Variants in VOPP1 observed in about 807,000 individuals in gnomAD.
VOPP1 encodes VOPP1 WW domain binding protein, also known as WW domain binding protein VOPP1.
In VOPP1, 8 loss-of-function variants were observed where a neutral mutation model predicts 23.5. The observed-to-expected ratio is 0.34, with a 90% CI of 0.20 to 0.61. VOPP1 has a LOEUF of 0.61. Among genes scored for constraint, VOPP1 ranks in the 20% least tolerant of loss-of-function variants. The pLI, the probability that VOPP1 is intolerant of heterozygous loss-of-function variation, is 0.78. For missense variants in VOPP1, 174 were observed against 238.1 expected, an observed-to-expected ratio of 0.73 and a Z score of 1.77; for synonymous variants, 83 against 97.3, an observed-to-expected ratio of 0.85 and a Z score of 0.86.
At chr7:55,499,924 C>G (rs990624370) in intron 2 of VOPP1, among the ~76,000 whole-genome samples, 1 of 152,068 alleles carries the variant, frequency 6.6e-6, no homozygotes, top group Non-Finnish European at 1.5e-5. Flanking sequence ...TCACTGGTGT[C>G]GGTTGATCAA....
chr7:55,441,560 C>T (rs1722983), intron 4 of VOPP1, among the ~76,000 whole-genome samples: 51,705 of 152,084 alleles, frequency 0.34, 9,319 homozygotes, highest in East Asian at 0.55. Context: ...ATTTGAGTAA[C>T]GCACTTAGCA....
At chr7:55,448,198 G>A (rs1341173954) in intron 4 of VOPP1, among the ~76,000 whole-genome samples, 3 of 152,086 alleles carry the variant, frequency 2.0e-5, no homozygotes, top group African/African-American at 7.2e-5. Context: ...GTGGATGTAC[G>A]TAAAACATAG....
At chr7:55,543,248 T>G (rs933971639) in intron 1 of VOPP1, among the ~76,000 whole-genome samples, 2 of 152,240 alleles carry the variant, frequency 1.3e-5, no homozygotes, top group Non-Finnish European at 2.9e-5. Flanking sequence ...CTTTATAATA[T>G]TCCATTGTGT....
downstream of VOPP1, among the ~76,000 whole-genome samples, chr7:55,469,407 G>C (rs189219854): frequency 1.6e-4 from 25 of 152,262 alleles, no homozygotes; most frequent in African/African-American, 5.8e-4. Flanking sequence ...CCTGTACTCT[G>C]AGTTAGTTTT....
intron 1 of VOPP1, among the ~76,000 whole-genome samples, chr7:55,541,731 A>G (rs1010131529): frequency 2.6e-5 from 4 of 152,270 alleles, no homozygotes; most frequent in African/African-American, 9.6e-5. Context: ...CTGAATGGAT[A>G]ACCAAATGTG....
At chr7:55,563,317 T>C (rs1378143488) in intron 1 of VOPP1, among the ~76,000 whole-genome samples, 11 of 152,184 alleles carry the variant, frequency 7.2e-5, no homozygotes, top group Non-Finnish European at 1.0e-4. Context: ...TAGAGAAGAT[T>C]ATTTGCGTTT....
chr7:55,446,447 G>A (rs193014516), intron 4 of VOPP1, among the ~76,000 whole-genome samples: 1 of 152,314 alleles, frequency 6.6e-6, no homozygotes, highest in Admixed American at 6.5e-5. Flanking sequence ...CTTCCCTGCT[G>A]TAGACATTCT....
chr7:55,440,218 G>C (rs566907459), intron 4 of VOPP1, among the ~76,000 whole-genome samples: 1 of 152,320 alleles, frequency 6.6e-6, no homozygotes, highest in East Asian at 1.9e-4. Context: ...CAGAACATTC[G>C]TGAGTGGGGA....
At chr7:55,551,467 T>C (rs1324864052) in intron 1 of VOPP1, among the ~76,000 whole-genome samples, 2 of 152,214 alleles carry the variant, frequency 1.3e-5, no homozygotes, top group Non-Finnish European at 2.9e-5. Flanking sequence ...CGAAAGTCAA[T>C]TCTCCCATCA....
At chr7:55,518,404 T>C (rs1275283236) in intron 2 of VOPP1, among the ~76,000 whole-genome samples, 1 of 152,184 alleles carries the variant, frequency 6.6e-6, no homozygotes, top group Non-Finnish European at 1.5e-5. Flanking sequence ...ATTGCAAACA[T>C]CAGGTGCTAC....
downstream of VOPP1, among the ~76,000 whole-genome samples, chr7:55,469,499 C>T (rs572396758): frequency 2.8e-4 from 43 of 152,316 alleles, no homozygotes; most frequent in African/African-American, 1.0e-3. Context: ...AACAGACTTT[C>T]AAAAACCACA....
chr7:55,559,272 G>A (rs1797906936), intron 1 of VOPP1, among the ~76,000 whole-genome samples: 1 of 152,192 alleles, frequency 6.6e-6, no homozygotes, highest in African/African-American at 2.4e-5. Context: ...CAGCTTCTCT[G>A]AATACATCAC....
chr7:55,473,776 T>C (rs968737192), intron 4 of VOPP1, among the ~76,000 whole-genome samples: 4 of 152,182 alleles, frequency 2.6e-5, no homozygotes, highest in Non-Finnish European at 4.4e-5. Flanking sequence ...GACAAAACCG[T>C]GAAAGTGCTG....
intron 2 of VOPP1, among the ~76,000 whole-genome samples, chr7:55,516,291 A>G (rs915862007): frequency 6.6e-6 from 1 of 152,234 alleles, no homozygotes; most frequent in Non-Finnish European, 1.5e-5. Context: ...CAGATCCCAA[A>G]GGGTCTTTTT....
downstream of VOPP1, among the ~76,000 whole-genome samples, chr7:55,469,284 C>A (rs1791714478): frequency 6.6e-6 from 1 of 152,116 alleles, no homozygotes; most frequent in African/African-American, 2.4e-5. Context: ...TCCTAGGAGG[C>A]TCCTCAGGCT....
rs774522771 is a variant in VOPP1 at position 55,472,986 on chromosome 7, C to T, written c.388G>A (p.Val130Ile). The change falls in exon 5 of 5, where the codon GTC becomes ATC. Residue 130 changes from valine (V) to isoleucine (I), a missense_variant. By Grantham distance (29) the Val-to-Ile change is conservative. Coordinates refer to ENST00000285279, the MANE Select transcript of VOPP1 (RefSeq NM_030796.5). Reference sequence around the variant, plus strand: ...AAAGCCATTGCCATGGAATTCCCGACAGGGTTCATCCCCGGTCCTCCTGGG... The same window carrying T: ...AAAGCCATTGCCATGGAATTCCCGATAGGGTTCATCCCCGGTCCTCCTGGG... ...TDPGGPGMNP[V>I]GNSMAMAFQV... 6.3e-7 allele frequency: 1 copy of T among 1,593,454 alleles called. No individual in the cohort carries two copies. The highest frequency in any genetic ancestry group is 1.4e-5 in the African/African-American group (1 of 73,922).
At chr7:55,459,723 T>C (rs1434212090) in intron 4 of VOPP1, among the ~76,000 whole-genome samples, 2 of 152,102 alleles carry the variant, frequency 1.3e-5, no homozygotes, top group Non-Finnish European at 2.9e-5. Flanking sequence ...ATATCTTCTT[T>C]CTCATTTCTG....
chr7:55,491,866 A>G (rs1192099816), intron 4 of VOPP1, among the ~76,000 whole-genome samples: 1 of 152,220 alleles, frequency 6.6e-6, no homozygotes, highest in Non-Finnish European at 1.5e-5. Flanking sequence ...AACAAAACAA[A>G]TTATCAGCAA....
At chr7:55,516,673 T>C (rs992820708) in intron 2 of VOPP1, among the ~76,000 whole-genome samples, 3 of 152,274 alleles carry the variant, frequency 2.0e-5, no homozygotes, top group South Asian at 2.1e-4. Context: ...GCAACCTAGA[T>C]GTTCCCTCCT....
Sources: gnomAD v4.1 joint callset for allele counts (sites outside exome capture counted in the v4.1 genomes callset) on GRCh38, gnomAD v4.1.1 for gene constraint, MANE v1.5 for transcripts, NCBI Gene and HGNC (gene_info 2026-07-23, HGNC 2026-07-21) for gene names.